Variants in KCNH1 observed in about 807,000 individuals in gnomAD.
KCNH1 encodes voltage-gated delayed rectifier potassium channel KCNH1.
In KCNH1, 27 loss-of-function variants were observed where a neutral mutation model predicts 69.2. The ratio of observed to expected loss-of-function variants is 0.39; its 90% confidence interval spans 0.29 to 0.54. KCNH1 has a LOEUF of 0.54. KCNH1 is among the 20% of genes least tolerant of loss of function. The pLI is 0.68. For synonymous variants in KCNH1, 456 were observed against 487.7 expected (o/e 0.93, Z 0.86); for missense variants, 798 against 1,261.6 (o/e 0.63, Z 5.57).
At chr1:210,880,620 C>A (rs1010835574) in intron 7 of KCNH1, among the ~76,000 whole-genome samples, 4 of 152,076 alleles carry the variant, frequency 2.6e-5, no homozygotes, top group Non-Finnish European at 5.9e-5. Flanking sequence ...TAAAATACAA[C>A]CATACAACTT....
chr1:210,885,706 G>C (rs1217263045), intron 7 of KCNH1, among the ~76,000 whole-genome samples: 2 of 152,086 alleles, frequency 1.3e-5, no homozygotes, highest in East Asian at 3.9e-4. Context: ...AGCTTGGTAG[G>C]GGGAGAGGCG....
intron 6 of KCNH1, among the ~76,000 whole-genome samples, chr1:210,948,970 C>A (rs1358035107): frequency 2.0e-5 from 3 of 151,950 alleles, no homozygotes; most frequent in South Asian, 2.1e-4. Flanking sequence ...TCTCTTTTGA[C>A]TTTCATCAAC....
intron 7 of KCNH1, among the ~76,000 whole-genome samples, chr1:210,887,807 G>A (rs1406878760): frequency 6.8e-6 from 1 of 146,236 alleles, no homozygotes; most frequent in Non-Finnish European, 1.5e-5. Context: ...TCAAAAAAGA[G>A]AAAGAAGGCC....
intron 5 of KCNH1, among the ~76,000 whole-genome samples, chr1:211,027,685 T>C (rs1021404775): frequency 6.6e-6 from 1 of 151,932 alleles, no homozygotes; most frequent in Admixed American, 6.6e-5. Flanking sequence ...AACTGTCCTA[T>C]AATTGTTGTT....
intron 10 of KCNH1, among the ~76,000 whole-genome samples, chr1:210,712,558 C>G (rs17016759): frequency 0.017 from 2,625 of 152,318 alleles, 76 homozygotes; most frequent in Admixed American, 0.062. Flanking sequence ...AGCAAAACTT[C>G]TGATGCTAGA....
At chr1:210,905,306 T>C (rs1262325367) in intron 7 of KCNH1, among the ~76,000 whole-genome samples, 2 of 152,220 alleles carry the variant, frequency 1.3e-5, no homozygotes, top group East Asian at 1.9e-4. Context: ...TTAGTCAATA[T>C]GAGTTAAGAG....
chr1:210,808,858 G>A (rs146600804), intron 7 of KCNH1, among the ~76,000 whole-genome samples: 11 of 152,294 alleles, frequency 7.2e-5, no homozygotes, highest in Admixed American at 1.3e-4. Context: ...TGAGTGTGAT[G>A]TAGAGAGGAA....
chr1:211,055,796 C>T (rs1181746221), intron 5 of KCNH1, among the ~76,000 whole-genome samples: 1 of 152,196 alleles, frequency 6.6e-6, no homozygotes, highest in Non-Finnish European at 1.5e-5. Context: ...GACAACACTT[C>T]TAGACACACC....
At chr1:210,837,521 A>G (rs761834202) in intron 7 of KCNH1, among the ~76,000 whole-genome samples, 50 of 152,226 alleles carry the variant, frequency 3.3e-4, no homozygotes, top group Non-Finnish European at 4.6e-4. Flanking sequence ...GAGAAAATCC[A>G]TAAACGTAAA....
chr1:210,813,272 A>G (rs1462002560), intron 7 of KCNH1, among the ~76,000 whole-genome samples: 1 of 152,218 alleles, frequency 6.6e-6, no homozygotes, highest in African/African-American at 2.4e-5. Context: ...TTGCCAAACA[A>G]TATTGGGGTC....
chr1:210,810,769 C>G (rs765424361), intron 7 of KCNH1, among the ~76,000 whole-genome samples: 23 of 152,128 alleles, frequency 1.5e-4, no homozygotes, highest in Non-Finnish European at 3.1e-4. Context: ...GTTGACTTCT[C>G]TTTGCTTAGT....
chr1:210,706,699 T>C (rs4951413), intron 10 of KCNH1, among the ~76,000 whole-genome samples: 5,479 of 152,328 alleles, frequency 0.036, 276 homozygotes, highest in East Asian at 0.22. Context: ...AGACCATGCA[T>C]TACTAAGTAA....
chr1:210,865,708 AC>A (rs1456306221), intron 7 of KCNH1, among the ~76,000 whole-genome samples: 5 of 152,302 alleles, frequency 3.3e-5, no homozygotes, highest in Admixed American at 3.3e-4. Flanking sequence ...GCTCTCCTAC[AC>A]CCCAATCGCA....
At chr1:210,808,737 G>C (rs572270882) in intron 7 of KCNH1, among the ~76,000 whole-genome samples, 23 of 151,972 alleles carry the variant, frequency 1.5e-4, no homozygotes, top group African/African-American at 5.6e-4. Context: ...TTTCATGCAC[G>C]TAACGTTTAA....
chr1:210,962,425 AT>A (rs1372797340), intron 6 of KCNH1, among the ~76,000 whole-genome samples: 1 of 151,966 alleles, frequency 6.6e-6, no homozygotes, highest in African/African-American at 2.4e-5. Context: ...CTATCTCTCC[AT>A]TTTTAACAAA....
intron 7 of KCNH1, among the ~76,000 whole-genome samples, chr1:210,869,672 T>C (rs1473246627): frequency 6.6e-6 from 1 of 152,114 alleles, no homozygotes; most frequent in African/African-American, 2.4e-5. Flanking sequence ...TTGATCCTTT[T>C]TTAGGCTTTA....
At chr1:210,819,784 T>A (rs1185649160) in intron 7 of KCNH1, among the ~76,000 whole-genome samples, 3 of 152,236 alleles carry the variant, frequency 2.0e-5, no homozygotes, top group Admixed American at 2.0e-4. Context: ...ACAGAACAGT[T>A]GACTTGGTGT....
At chr1:210,895,598 C>T (rs192538012) in intron 7 of KCNH1, among the ~76,000 whole-genome samples, 3 of 152,136 alleles carry the variant, frequency 2.0e-5, no homozygotes, top group East Asian at 1.9e-4. Context: ...CCATGTCTCC[C>T]CTTGGCAATA....
chr1:210,917,644 G>T (rs1201517082), intron 7 of KCNH1, among the ~76,000 whole-genome samples: 1 of 152,104 alleles, frequency 6.6e-6, no homozygotes, highest in African/African-American at 2.4e-5. Flanking sequence ...ATCACTCTTA[G>T]CAAATTTTCT....
Sources: allele counts gnomAD v4.1 joint callset (sites outside exome capture counted in the v4.1 genomes callset), GRCh38; gene constraint gnomAD v4.1.1; transcripts MANE v1.5; gene names NCBI Gene and HGNC (gene_info 2026-07-23, HGNC 2026-07-21).